The following CARF variants were observed in gnomAD, a reference collection of about 807,000 sequenced individuals.
CARF encodes the protein calcium-responsive transcription factor.
CARF carries 57 observed loss-of-function variants against 82.0 expected under a neutral mutation model. The observed-to-expected ratio is 0.70, with a 90% confidence interval of 0.56 to 0.87. CARF has a LOEUF of 0.87. CARF is among the 40% of genes least tolerant of loss of function. The pLI is 0.00. For missense variants in CARF, 771 were observed against 855.8 expected, an observed-to-expected ratio of 0.90 and a Z score of 1.24; for synonymous variants, 268 against 290.1, an observed-to-expected ratio of 0.92 and a Z score of 0.77.
At chr2:202,916,593 C>T (rs1228226780) in intron 1 of CARF, among the ~76,000 whole-genome samples, 1 of 152,156 alleles carries the variant, frequency 6.6e-6, no homozygotes, top group Non-Finnish European at 1.5e-5. Context: ...AAAGAAACAA[C>T]TTCAAGCTGC....
chr2:202,918,734 A>G lies in CARF; in HGVS notation c.-163+691A>G, dbSNP rs1020406221. Among the ~76,000 whole-genome samples, 48 of 152,142 alleles carry G rather than the reference A, an allele frequency of 3.2e-4. 1 individual carries two copies. The highest frequency in any genetic ancestry group is 1.1e-3 in the African/African-American group (45 of 41,422). ...GAGGAAGGAAGAGGTAATACTTTTC[A>G]CTGCATCCAAATTATTTTTTTAAAG... On this transcript the variant is annotated intron_variant, in intron 2 of 16. Coordinates refer to ENST00000438828, the MANE Select transcript of CARF (RefSeq NM_024744.17).
At chr2:202,967,662 A>G (rs570652504) in intron 10 of CARF, among the ~76,000 whole-genome samples, 1 of 152,336 alleles carries the variant, frequency 6.6e-6, no homozygotes, top group African/African-American at 2.4e-5. Flanking sequence ...ATTCCTTATT[A>G]GTATTATACA....
intron 5 of CARF, among the ~76,000 whole-genome samples, chr2:202,949,874 T>G (rs1351863944): frequency 1.3e-5 from 2 of 152,184 alleles, no homozygotes; most frequent in Admixed American, 6.5e-5. Flanking sequence ...ATATAAAAGT[T>G]ATTAGTAAAG....
At chr2:202,956,523 T>C (rs957774209) in intron 8 of CARF, among the ~76,000 whole-genome samples, 1 of 152,090 alleles carries the variant, frequency 6.6e-6, no homozygotes, top group Non-Finnish European at 1.5e-5. Flanking sequence ...AGTGCTGGGA[T>C]TACAGGTGTG....
intron 5 of CARF, 81 bp downstream of exon 5, chr2:202,943,048 C>T (rs1183159424): frequency 3.8e-6 from 4 of 1,046,404 alleles, no homozygotes; most frequent in African/African-American, 1.6e-5. Flanking sequence ...AATTTCTTGA[C>T]ACTTTTGACT....
At chr2:202,940,633 A>G (rs1057247656) in intron 3 of CARF, among the ~76,000 whole-genome samples, 6 of 151,844 alleles carry the variant, frequency 4.0e-5, no homozygotes, top group Non-Finnish European at 5.9e-5. Context: ...GCCAGGTTAC[A>G]CTCTTCACCC....
At chr2:202,981,709 A>C in intron 15 of CARF, 24 bp downstream of exon 15, 6 of 1,597,234 alleles carry the variant, frequency 3.8e-6, no homozygotes, top group South Asian at 1.1e-5. Context: ...AAAATATCCA[A>C]ATTTGAGGTC....
rs184526566 is a variant in CARF at position 202,974,918 on chromosome 2, C to T, written c.1494+422C>T. Among the ~76,000 whole-genome samples the T allele has an allele frequency of 2.2e-3, 333 of 151,506 alleles. 5 individuals carry two copies. The highest frequency in any genetic ancestry group is 0.02 in the Admixed American group (308 of 15,214). On this transcript the variant is annotated intron_variant, in intron 13 of 16. Coordinates refer to ENST00000438828, the MANE Select transcript of CARF (RefSeq NM_024744.17). Reference sequence around the variant, plus strand: ...CATCTCAAAAAATATATATATATAGCATCTTTTTCTTAAAATGTAAATACT... The same window carrying T: ...CATCTCAAAAAATATATATATATAGTATCTTTTTCTTAAAATGTAAATACT...
chr2:202,931,720 A>G (rs1038986581), intron 3 of CARF, among the ~76,000 whole-genome samples: 1 of 152,064 alleles, frequency 6.6e-6, no homozygotes, highest in African/African-American at 2.4e-5. Flanking sequence ...AGCTGCATTC[A>G]ACGTCAGCAA....
At chr2:202,913,416 G>T (rs71425975) in intron 1 of CARF, among the ~76,000 whole-genome samples, 1 of 152,152 alleles carries the variant, frequency 6.6e-6, no homozygotes, top group East Asian at 1.9e-4. Flanking sequence ...ATTAACTGCG[G>T]CATCGGAAGC....
At chr2:202,927,452 A>G (rs931111412) in intron 3 of CARF, among the ~76,000 whole-genome samples, 4 of 152,148 alleles carry the variant, frequency 2.6e-5, no homozygotes, top group African/African-American at 9.7e-5. Flanking sequence ...TAACATATGT[A>G]TTACTCATAT....
Position 202,983,635 on chromosome 2 carries a change from C to G in CARF, c.*11C>G, listed in dbSNP as rs1559292383. The G allele has an allele frequency of 2.7e-6, 4 of 1,498,852 alleles. No homozygotes were observed. The highest frequency in any genetic ancestry group is 2.3e-5 in the East Asian group (1 of 44,094). 92.8% of individuals were successfully genotyped at this position (1,498,852 alleles called of 1,614,324 possible). On this transcript the variant is annotated 3_prime_UTR_variant, in exon 17 of 17. Coordinates refer to ENST00000438828, the MANE Select transcript of CARF (RefSeq NM_024744.17). ...TTATCTGCTACATAAATTATTGAAG[C>G]TTTTCAGAATTTACAACTCTGGTGA...
chr2:202,948,560 G>T (rs988725077), intron 5 of CARF, among the ~76,000 whole-genome samples: 1 of 152,040 alleles, frequency 6.6e-6, no homozygotes, highest in Non-Finnish European at 1.5e-5. Flanking sequence ...TTATGGTAGA[G>T]ATCTTTCACC....
intron 3 of CARF, among the ~76,000 whole-genome samples, chr2:202,926,149 C>T (rs1691772856): frequency 6.6e-6 from 1 of 152,140 alleles, no homozygotes; most frequent in Non-Finnish European, 1.5e-5. Context: ...CCGACCAGAG[C>T]CTGTGGGGGA....
In CARF at chr2:202,930,968, CTTTTTTT is replaced by C. The variant is rs1007407230; in HGVS notation, c.-44+6569_-44+6575del. 6.8e-5 allele frequency among the ~76,000 whole-genome samples: 7 copies of C among 103,180 alleles called. No homozygotes were observed. In the South Asian group the frequency reaches 9.9e-4, roughly 15 times the overall value. The allele number at this position is 103,180 out of a possible 152,430, so 67.7% of individuals were successfully genotyped here. A position where few individuals can be genotyped will look rare whatever the true frequency, so the allele number is the denominator to read the frequency against. On this transcript the variant is annotated intron_variant, in intron 3 of 16. Transcript: ENST00000438828. ...TCTTCCTTATGACTTTTTTTCTTTTCTTTTTTTTTTTTTTTTTTTTTTGGCAACGGAG... is the reference window on the plus strand; with the variant it reads ...TCTTCCTTATGACTTTTTTTCTTTTCTTTTTTTTTTTTTTTGGCAACGGAG...
intron 3 of CARF, chr2:202,924,860 C>T (rs1025699113): frequency 1.0e-4 from 20 of 195,378 alleles, no homozygotes; most frequent in African/African-American, 3.5e-4. Flanking sequence ...CAGAGCCTCC[C>T]GAGTCCCCTT....
At chr2:202,951,312 A>G (rs1574642688) in intron 5 of CARF, among the ~76,000 whole-genome samples, 1 of 152,218 alleles carries the variant, frequency 6.6e-6, no homozygotes, top group Admixed American at 6.5e-5. Flanking sequence ...GATTACAGGC[A>G]TGAGCCACTG....
In CARF at chr2:202,930,391, T is replaced by C. The variant is rs578167682; in HGVS notation, c.-44+5976T>C. Among the ~76,000 whole-genome samples the C allele has an allele frequency of 2.2e-4, 33 of 152,324 alleles. 1 individual carries two copies. In the South Asian group the frequency reaches 5.0e-3, roughly 23 times the overall value. ...ATTTAATGGTATCCCATAATTCTTA[T>C]AGACTTTCTTTGTTCATTTTCATCA... On this transcript the variant is annotated intron_variant, in intron 3 of 16. Coordinates refer to ENST00000438828, the MANE Select transcript of CARF (RefSeq NM_024744.17).
At chr2:202,915,333 T>C (rs183216286) in intron 1 of CARF, among the ~76,000 whole-genome samples, 35 of 151,878 alleles carry the variant, frequency 2.3e-4, no homozygotes, top group African/African-American at 8.0e-4. Flanking sequence ...TCTTGCTCTG[T>C]TGCCCAGGCT....
Sources: gnomAD v4.1 joint callset for allele counts (sites outside exome capture counted in the v4.1 genomes callset) on GRCh38, gnomAD v4.1.1 for gene constraint, MANE v1.5 for transcripts, NCBI Gene and HGNC (gene_info 2026-07-23, HGNC 2026-07-21) for gene names.